The following ANGPT4 variants were observed in gnomAD, a reference collection of about 807,000 sequenced individuals.
The protein encoded by ANGPT4 is angiopoietin 4.
Under a neutral mutation model 53.0 loss-of-function variants are expected in ANGPT4, and 50 were observed. That is an observed-to-expected ratio of 0.94 (90% CI 0.75 to 1.20). ANGPT4 has a LOEUF of 1.20. ANGPT4 is among the 50% of genes most tolerant of loss of function. The pLI is 0.00. For synonymous variants in ANGPT4, 251 were observed against 259.7 expected (o/e 0.97, Z 0.32); for missense variants, 648 against 637.1 (o/e 1.02, Z -0.18).
At chr20:874,251 G>A (rs1401200716) in intron 8 of ANGPT4, 33 bp downstream of exon 8, 1 of 1,612,148 alleles carries the variant, frequency 6.2e-7, no homozygotes, top group Non-Finnish European at 8.5e-7. Flanking sequence ...TGAGCCTGTG[G>A]GTGGGCGGAG....
chr20:890,623 G>A (rs1163000074), intron 1 of ANGPT4, among the ~76,000 whole-genome samples: 2 of 152,124 alleles, frequency 1.3e-5, no homozygotes, highest in Non-Finnish European at 1.5e-5. Flanking sequence ...TCCCCCACTA[G>A]GCAGCCAGAG....
rs1982561426 is a variant in ANGPT4, at chr20:908,309, G to A, written c.309+7597C>T. ...CTTGGCCATGCTCTCCTCGCTCTCT[G>A]CACTGTAGACACACTGAATGCCTTT... On this transcript the variant is annotated intron_variant, in intron 1 of 8. Transcript: ENST00000381922. This position sits in a 1 kb window ranked among gnomAD's most constrained non-coding sequence, Gnocchi z 4.9. Among the ~76,000 whole-genome samples, 1 of 152,182 alleles carries A rather than the reference G, an allele frequency of 6.6e-6. No homozygotes were observed. Among genetic ancestry groups the A allele is most frequent in the Non-Finnish European group, 1.5e-5 (1 of 68,042 alleles).
intron 1 of ANGPT4, among the ~76,000 whole-genome samples, chr20:912,328 CAG>C (rs1367910057): frequency 3.9e-5 from 6 of 152,180 alleles, no homozygotes; most frequent in African/African-American, 1.4e-4. Flanking sequence ...ATTCTCCTCC[CAG>C]CCTCCGGATT....
intron 1 of ANGPT4, among the ~76,000 whole-genome samples, chr20:915,511 C>G (rs1204112569): frequency 1.3e-5 from 2 of 152,212 alleles, no homozygotes; most frequent in South Asian, 4.1e-4. Flanking sequence ...AGCAGCCACC[C>G]AGGGCCGCCA....
chr20:896,751 T>C (rs1568845851), intron 1 of ANGPT4, among the ~76,000 whole-genome samples: 1 of 152,172 alleles, frequency 6.6e-6, no homozygotes, highest in African/African-American at 2.4e-5. Flanking sequence ...GAGCCTTTTC[T>C]CTAAAATGAA....
chr20:892,012 C>A (rs1374576401), intron 1 of ANGPT4, among the ~76,000 whole-genome samples: 1 of 152,098 alleles, frequency 6.6e-6, no homozygotes, highest in Non-Finnish European at 1.5e-5. Flanking sequence ...AGTGTGAGAG[C>A]CCTTGATGCA....
intron 1 of ANGPT4, among the ~76,000 whole-genome samples, chr20:904,009 G>C: frequency 6.6e-6 from 1 of 152,186 alleles, no homozygotes; most frequent in African/African-American, 2.4e-5. Context: ...CTAATGGCCA[G>C]ATCTGGTGCA....
rs1982848592 is a variant in ANGPT4 at position 914,605 on chromosome 20, G to A, written c.309+1301C>T. ...ATCCTGCCTGGAGCCAGAGGTGGTT[G>A]TCAAGCTTGTCTGCTGTTTAATACC... On this transcript the variant is annotated intron_variant, in intron 1 of 8. Transcript: ENST00000381922. The surrounding 1 kb of genome is among the most constrained non-coding windows in gnomAD (Gnocchi z 5.0). 6.6e-6 allele frequency among the ~76,000 whole-genome samples: 1 copy of A among 152,098 alleles called. No homozygotes were observed.
chr20:898,195 C>T (rs932393262), intron 1 of ANGPT4, among the ~76,000 whole-genome samples: 1 of 152,148 alleles, frequency 6.6e-6, no homozygotes, highest in Non-Finnish European at 1.5e-5. Context: ...TGACGCTGCT[C>T]CTCGCCAGGC....
chr20:879,185 C>G (rs1042295973), intron 6 of ANGPT4, among the ~76,000 whole-genome samples: 2 of 152,142 alleles, frequency 1.3e-5, no homozygotes, highest in Non-Finnish European at 2.9e-5. Flanking sequence ...TGCTGTATCA[C>G]TTTGTGGGTA....
intron 5 of ANGPT4, among the ~76,000 whole-genome samples, chr20:880,699 C>T (rs192686082): frequency 2.6e-5 from 4 of 152,312 alleles, no homozygotes; most frequent in African/African-American, 4.8e-5. Flanking sequence ...CCCTTCTTAT[C>T]GGATGACTTG....
At chr20:875,412 A>G (rs1981125665) in intron 7 of ANGPT4, among the ~76,000 whole-genome samples, 1 of 152,126 alleles carries the variant, frequency 6.6e-6, no homozygotes, top group Non-Finnish European at 1.5e-5. Flanking sequence ...CAGCCAGGTG[A>G]GGATTTCTAT....
At chr20:878,131 C>T (rs759177156) in intron 7 of ANGPT4, 30 bp downstream of exon 7, 1 of 1,568,282 alleles carries the variant, frequency 6.4e-7, no homozygotes, top group South Asian at 1.2e-5. Context: ...AAGACCCCAG[C>T]CCCCACAACG....
chr20:890,158 G>A (rs996450432), intron 2 of ANGPT4, 55 bp downstream of exon 2: 4 of 1,580,818 alleles, frequency 2.5e-6, no homozygotes, highest in African/African-American at 1.3e-5. Flanking sequence ...CTGGGGCTAC[G>A]AACCAGCCTG....
In ANGPT4 at chr20:879,562, G is replaced by C. The variant is rs1981308628; in HGVS notation, c.1053+185C>G. 5.9e-5 allele frequency among the ~76,000 whole-genome samples: 9 copies of C among 152,186 alleles called. No individual in the cohort carries two copies. In the South Asian group the frequency reaches 1.9e-3, roughly 32 times the overall value. On this transcript the variant is annotated intron_variant, in intron 6 of 8. Transcript: ENST00000381922. Reference sequence around the variant, plus strand: ...ACTTTTTTTCTTAGAACATATGTCAGAACTTTCAGAAAGAACATTCAAATT... The same window carrying C: ...ACTTTTTTTCTTAGAACATATGTCACAACTTTCAGAAAGAACATTCAAATT...
In ANGPT4 at chr20:888,435, A is replaced by T. The variant is rs781224242; in HGVS notation, c.470T>A (p.Leu157Gln). Residue 157 changes from leucine to glutamine, a missense_variant, in exon 3 of 9, where the codon CTG becomes CAG. Physicochemically the swap from Leu to Gln is moderately radical, Grantham distance 113. Coordinates refer to ENST00000381922, the MANE Select transcript of ANGPT4 (RefSeq NM_015985.4). ...GGCATCCATTCTTGATGTCTGGTTC[A>T]GGAGCTGCCCCAGCAAGCAGAAGCA... is the stretch of plus-strand genomic sequence containing the variant. ...RKLTDMEAQL[L>Q]NQTSRMDAQM... The T allele has an allele frequency of 6.2e-7, 1 of 1,611,906 alleles. No homozygotes were observed. The highest frequency in any genetic ancestry group is 8.5e-7 in the Non-Finnish European group (1 of 1,179,582).
intron 1 of ANGPT4, among the ~76,000 whole-genome samples, chr20:903,041 G>A (rs1982345044): frequency 6.6e-6 from 1 of 152,170 alleles, no homozygotes; most frequent in African/African-American, 2.4e-5. Flanking sequence ...GGTCTTGTGG[G>A]TGTAAGAGGG....
rs200751369 is a variant in ANGPT4 at position 872,910 on chromosome 20, G to A, written c.*50C>T. The A allele has an allele frequency of 8.9e-4, 1,431 of 1,605,924 alleles. 2 individuals carry two copies. Among genetic ancestry groups the A allele is most frequent in the Non-Finnish European group, 1.0e-3 (1,181 of 1,175,374 alleles). On this transcript the variant is annotated 3_prime_UTR_variant, in exon 9 of 9. Transcript: ENST00000381922. ...ATCTGGGTCCAGGTTGTCCAGGAGT[G>A]CCAAGTCCGAGCTTCTCCTGTGTGG...
rs151100379 is a variant in ANGPT4 at position 908,039 on chromosome 20, T to C, written c.309+7867A>G. ...TAACTTAATGGCTGAGCTCTTTCTATGTGCCTGTCTTGCCTTCTTGGTGGC... is the reference window on the plus strand; with the variant it reads ...TAACTTAATGGCTGAGCTCTTTCTACGTGCCTGTCTTGCCTTCTTGGTGGC... On this transcript the variant is annotated intron_variant, in intron 1 of 8. Coordinates refer to ENST00000381922, the MANE Select transcript of ANGPT4 (RefSeq NM_015985.4). This position sits in a 1 kb window ranked among gnomAD's most constrained non-coding sequence, Gnocchi z 4.9. 3.3e-4 allele frequency among the ~76,000 whole-genome samples: 50 copies of C among 152,294 alleles called. No individual in the cohort carries two copies. The highest frequency in any genetic ancestry group is 3.4e-3 in the Middle Eastern group (1 of 294).
Sources: gnomAD v4.1 joint callset for allele counts (sites outside exome capture counted in the v4.1 genomes callset) on GRCh38, gnomAD v4.1.1 for gene constraint, Gnocchi (gnomAD v3.1) non-coding constraint, MANE v1.5 for transcripts, NCBI Gene and HGNC (gene_info 2026-07-23, HGNC 2026-07-21) for gene names.